GATM: variants seen among roughly 807,000 people sequenced by gnomAD.
GATM encodes glycine amidinotransferase, mitochondrial.
GATM carries 23 observed loss-of-function variants against 54.2 expected under a neutral mutation model. That is an observed-to-expected ratio of 0.42 (90% CI 0.31 to 0.60). The LOEUF (loss-of-function observed/expected upper bound fraction) is 0.60. GATM is among the 20% of genes least tolerant of loss of function. The pLI is 0.14. For synonymous variants in GATM, 168 were observed against 183.1 expected (o/e 0.92, Z 0.67); for missense variants, 401 against 544.9 (o/e 0.74, Z 2.63).
At chr15:45,370,168 G>A (rs1469983582) in intron 2 of GATM, among the ~76,000 whole-genome samples, 1 of 152,098 alleles carries the variant, frequency 6.6e-6, no homozygotes, top group African/African-American at 2.4e-5. Context: ...TTGATGTCAG[G>A]AGTTCAAGAC....
At chr15:45,396,899 A>T (rs928448134) in intron 3 of GATM, 2 of 148,018 alleles carry the variant, frequency 1.4e-5, no homozygotes, top group East Asian at 4.0e-4. Context: ...AAAAGCCATA[A>T]GTATGGTAAA....
At position 45,366,499 on chromosome 15, in the gene GATM, T is replaced by C. The variant is rs570670146; in HGVS notation, c.685A>G (p.Ile229Val). The C allele has an allele frequency of 1.2e-6, 2 of 1,614,070 alleles. No individual in the cohort carries two copies. Among genetic ancestry groups the C allele is most frequent in the African/African-American group, 1.3e-5 (1 of 75,028 alleles). ...ADELYNQDYP[I>V]HSVEDRHKLA... Reference sequence around the variant, plus strand: ...TTGTGTCTGTCTTCTACAGAGTGGATGGGATAATCCTAATTGGAACAAGAA... The same window carrying C: ...TTGTGTCTGTCTTCTACAGAGTGGACGGGATAATCCTAATTGGAACAAGAA... Residue 229 changes from isoleucine (I) to valine (V), a missense_variant, in exon 5 of 9, where the codon ATC (isoleucine) becomes GTC (valine). Ile to Val is a conservative substitution (Grantham distance 29). Around this residue, in one of 3 missense-constraint regions of GATM, gnomAD observed 321 missense variants for 457.5 expected, o/e 0.70. Transcript: ENST00000396659.
chr15:45,366,316 G>T, intron 5 of GATM, 55 bp downstream of exon 5: 3 of 1,609,596 alleles, frequency 1.9e-6, no homozygotes, highest in Non-Finnish European at 2.5e-6. Context: ...ATTTTAATTT[G>T]GAAGTAAAGA....
intron 2 of GATM, 147 bp downstream of exon 2, chr15:45,376,454 T>C: frequency 1.3e-6 from 1 of 748,124 alleles, no homozygotes; most frequent in Non-Finnish European, 2.4e-6. Context: ...GTGTAAATAG[T>C]GTCAAATACC....
chr15:45,392,501 G>A (rs765074387), intron 3 of GATM, among the ~76,000 whole-genome samples: 3 of 152,214 alleles, frequency 2.0e-5, no homozygotes, highest in Non-Finnish European at 4.4e-5. Context: ...GTCACAGAAC[G>A]TGGGGTAGGT....
At position 45,396,618 on chromosome 15, in the gene GATM, C is replaced by T. The variant is rs533429632; in HGVS notation, c.-319+304G>A. On this transcript the variant is annotated intron_variant, in intron 3 of 4. Transcript: ENST00000561148. ...GGGCACAGTGGCTCACACCTGTAATCCCAATACTTTGGGAAGCTGAGGTGG... is the reference window on the plus strand; with the variant it reads ...GGGCACAGTGGCTCACACCTGTAATTCCAATACTTTGGGAAGCTGAGGTGG... Among the ~76,000 whole-genome samples, 50 of 152,190 alleles carry T rather than the reference C, an allele frequency of 3.3e-4. 1 individual carries two copies. Among genetic ancestry groups the T allele is most frequent in the African/African-American group, 9.2e-4 (38 of 41,518 alleles).
At chr15:45,384,660 G>A (rs1889785750) in intron 3 of GATM, among the ~76,000 whole-genome samples, 1 of 152,002 alleles carries the variant, frequency 6.6e-6, no homozygotes, top group East Asian at 1.9e-4. Context: ...CTCCACTCAC[G>A]CCACTGAGAA....
chr15:45,370,524 C>A (rs905083973), intron 2 of GATM, among the ~76,000 whole-genome samples: 4 of 152,122 alleles, frequency 2.6e-5, no homozygotes, highest in African/African-American at 9.7e-5. Context: ...ACCAACCACA[C>A]CTCTCCTTTT....
In GATM at chr15:45,378,536, G is replaced by A; in HGVS notation, c.-83C>T. 1.7e-6 allele frequency: 2 copies of A among 1,154,236 alleles called. No homozygotes were observed. The highest frequency in any genetic ancestry group is 2.2e-6 in the Non-Finnish European group (2 of 891,708). 71.5% of individuals were successfully genotyped at this position (1,154,236 alleles called of 1,614,324 possible). The stretch of plus-strand genomic sequence containing the variant: ...CCAAGCCTTCCCGAGAGCGCGCCCG[G>A]AGCGGGGTGGGCGGGCGCGCGGGGC... On this transcript the variant is annotated 5_prime_UTR_variant, in exon 1 of 9. Coordinates refer to ENST00000396659, the MANE Select transcript of GATM (RefSeq NM_001482.3).
chr15:45,369,183 C>A, intron 3 of GATM, 143 bp downstream of exon 3: 1 of 672,812 alleles, frequency 1.5e-6, no homozygotes, highest in South Asian at 1.8e-5. Context: ...TGGACCAAAC[C>A]ATTCCTAAAT....
intron 2 of GATM, chr15:45,373,296 G>A (rs995933438): frequency 1.3e-5 from 2 of 151,868 alleles, no homozygotes; most frequent in Non-Finnish European, 2.9e-5. Flanking sequence ...AGGAGATCGA[G>A]ACCATCCTGG....
At chr15:45,400,297 T>G (rs1889984518) in intron 1 of GATM, among the ~76,000 whole-genome samples, 1 of 152,232 alleles carries the variant, frequency 6.6e-6, no homozygotes, top group Admixed American at 6.5e-5. Context: ...ATGATAAATA[T>G]GGATGTTCAG....
At chr15:45,366,606 C>A in intron 4 of GATM, 98 bp from the exon 5 acceptor site, 1 of 1,346,580 alleles carries the variant, frequency 7.4e-7, no homozygotes, top group Non-Finnish European at 1.0e-6. Flanking sequence ...ACATCATTTC[C>A]CAAAATATTA....
intron 1 of GATM, 145 bp from the exon 2 acceptor site, chr15:45,376,964 T>TGGGTTAACA: frequency 1.4e-6 from 1 of 731,556 alleles, no homozygotes; most frequent in Non-Finnish European, 2.4e-6. Flanking sequence ...GTTAACAGTG[T>TGGGTTAACA]GTAGGTGGGT....
At chr15:45,376,917 G>A in intron 1 of GATM, 98 bp from the exon 2 acceptor site, 1 of 1,126,408 alleles carries the variant, frequency 8.9e-7, no homozygotes, top group Non-Finnish European at 1.3e-6. Flanking sequence ...GCATAACATT[G>A]CCACTTAAAC....
At chr15:45,395,394 A>G (rs1889917010) in intron 3 of GATM, among the ~76,000 whole-genome samples, 1 of 152,234 alleles carries the variant, frequency 6.6e-6, no homozygotes, top group Admixed American at 6.5e-5. Context: ...ATTCAAATAA[A>G]AACTAAGTGG....
chr15:45,378,228 C>G, intron 1 of GATM, 157 bp downstream of exon 1: 1 of 543,832 alleles, frequency 1.8e-6, no homozygotes, highest in Non-Finnish European at 3.1e-6. Flanking sequence ...TGAAGCTGAG[C>G]TTCCCAGGGA....
At chr15:45,373,062 T>C (rs770527934) in intron 2 of GATM, among the ~76,000 whole-genome samples, 10 of 152,272 alleles carry the variant, frequency 6.6e-5, no homozygotes, top group Non-Finnish European at 1.3e-4. Context: ...TTTTAAATAC[T>C]GTCTTTGGAA....
chr15:45,384,278 G>C (rs896508284), intron 3 of GATM, among the ~76,000 whole-genome samples: 3 of 152,224 alleles, frequency 2.0e-5, no homozygotes, highest in Non-Finnish European at 4.4e-5. Context: ...TTTTCTGGGA[G>C]TTATTTATAA....
Sources: allele counts gnomAD v4.1 joint callset (sites outside exome capture counted in the v4.1 genomes callset), GRCh38; gene constraint gnomAD v4.1.1; regional missense constraint gnomAD v4.1.1; transcripts MANE v1.5; gene names NCBI Gene and HGNC (gene_info 2026-07-23, HGNC 2026-07-21).